The following COL25A1 variants were observed in gnomAD, a reference collection of about 807,000 sequenced individuals.
The protein encoded by COL25A1 is collagen type XXV alpha 1 chain.
COL25A1 carries 103 observed loss-of-function variants against 128.4 expected under a neutral mutation model. The observed-to-expected ratio is 0.80, with a 90% CI of 0.68 to 0.94. COL25A1 has a LOEUF of 0.94. Among genes scored for constraint, COL25A1 ranks in the 40% least tolerant of loss-of-function variants. COL25A1 has a pLI of 0.00. For synonymous variants in COL25A1, 279 were observed against 277.2 expected (o/e 1.01, Z -0.06); for missense variants, 745 against 840.0 (o/e 0.89, Z 1.40).
chr4:109,180,153 G>T (rs1774493142), intron 3 of COL25A1, among the ~76,000 whole-genome samples: 1 of 152,244 alleles, frequency 6.6e-6, no homozygotes, highest in African/African-American at 2.4e-5. Context: ...AAGAAATTTA[G>T]GAAGATTAAA....
At chr4:109,072,271 C>T (rs1305608006) in intron 3 of COL25A1, among the ~76,000 whole-genome samples, 5 of 152,134 alleles carry the variant, frequency 3.3e-5, no homozygotes, top group Non-Finnish European at 7.4e-5. Flanking sequence ...CATTAATTTT[C>T]AAATTTCTGT....
At chr4:109,013,149 A>G (rs1386151404) in intron 5 of COL25A1, among the ~76,000 whole-genome samples, 1 of 152,208 alleles carries the variant, frequency 6.6e-6, no homozygotes, top group East Asian at 1.9e-4. Flanking sequence ...TAAACGCACC[A>G]ATCAGTGCTC....
At chr4:108,983,760 C>T (rs974088891) in intron 6 of COL25A1, among the ~76,000 whole-genome samples, 4 of 151,392 alleles carry the variant, frequency 2.6e-5, no homozygotes, top group Non-Finnish European at 5.9e-5. Context: ...TCTGGAGTTG[C>T]TCGTTCCTCC....
At chr4:108,891,333 A>C (rs1741471100) in intron 16 of COL25A1, among the ~76,000 whole-genome samples, 1 of 152,180 alleles carries the variant, frequency 6.6e-6, no homozygotes, top group Admixed American at 6.5e-5. Flanking sequence ...ATGTAACTAA[A>C]CATAAAAAAC....
intron 3 of COL25A1, among the ~76,000 whole-genome samples, chr4:109,136,952 G>A (rs1431953572): frequency 1.3e-5 from 2 of 152,212 alleles, no homozygotes; most frequent in Non-Finnish European, 2.9e-5. Context: ...GAGCCGACAT[G>A]AGTAAGCTTC....
chr4:108,975,554 C>G (rs1752355433), intron 6 of COL25A1, among the ~76,000 whole-genome samples: 1 of 152,178 alleles, frequency 6.6e-6, no homozygotes, highest in Non-Finnish European at 1.5e-5. Flanking sequence ...AGGTTACAGA[C>G]TATACATATG....
intron 5 of COL25A1, among the ~76,000 whole-genome samples, chr4:109,015,881 G>A (rs987285800): frequency 1.3e-5 from 2 of 152,200 alleles, no homozygotes; most frequent in East Asian, 3.8e-4. Context: ...TTGGACTGTT[G>A]TTGATGGCAG....
chr4:109,022,198 C>T (rs923003178), intron 5 of COL25A1: 4 of 453,316 alleles, frequency 8.8e-6, no homozygotes, highest in African/African-American at 8.0e-5. Context: ...CCTGGCGGCC[C>T]AGCTGTAAAA....
At chr4:109,203,437 A>G (rs1462972769) in intron 3 of COL25A1, among the ~76,000 whole-genome samples, 1 of 152,000 alleles carries the variant, frequency 6.6e-6, no homozygotes, top group Non-Finnish European at 1.5e-5. Flanking sequence ...AGTCCACCAA[A>G]TCCAGAGCCT....
chr4:108,939,561 A>C (rs963319810), intron 10 of COL25A1, among the ~76,000 whole-genome samples: 2 of 152,198 alleles, frequency 1.3e-5, no homozygotes, highest in African/African-American at 4.8e-5. Context: ...AGTATTGTAA[A>C]TATTGTAAAC....
At chr4:109,064,651 G>A (rs1293650571) in intron 3 of COL25A1, among the ~76,000 whole-genome samples, 2 of 152,132 alleles carry the variant, frequency 1.3e-5, no homozygotes. Flanking sequence ...GAGAGCCAGA[G>A]ACCTCCCATG....
chr4:109,025,322 A>G (rs189454335), intron 5 of COL25A1, among the ~76,000 whole-genome samples: 226 of 152,236 alleles, frequency 1.5e-3, no homozygotes, highest in East Asian at 3.3e-3. Flanking sequence ...CTGCCCTACC[A>G]ATTTTTATTA....
At chr4:108,951,224 T>C (rs943434557) in intron 8 of COL25A1, among the ~76,000 whole-genome samples, 2 of 152,118 alleles carry the variant, frequency 1.3e-5, no homozygotes, top group Admixed American at 1.3e-4. Context: ...CATGAAGGTT[T>C]TTATACAACG....
At chr4:109,166,782 G>T (rs1354591096) in intron 3 of COL25A1, among the ~76,000 whole-genome samples, 2 of 152,162 alleles carry the variant, frequency 1.3e-5, no homozygotes, top group Non-Finnish European at 2.9e-5. Context: ...CATTCATTGA[G>T]TATGAATCTA....
chr4:109,187,553 G>A (rs1001973611), intron 3 of COL25A1, among the ~76,000 whole-genome samples: 1 of 152,100 alleles, frequency 6.6e-6, no homozygotes, highest in African/African-American at 2.4e-5. Flanking sequence ...ACAGTAGCTG[G>A]TACATTATAA....
chr4:109,204,074 T>A (rs1225678309), intron 3 of COL25A1, among the ~76,000 whole-genome samples: 1 of 152,154 alleles, frequency 6.6e-6, no homozygotes, highest in African/African-American at 2.4e-5. Flanking sequence ...AAGCTTATTA[T>A]TAGAAATAGG....
intron 3 of COL25A1, among the ~76,000 whole-genome samples, chr4:109,094,033 A>C (rs181543720): frequency 6.6e-4 from 100 of 152,342 alleles, no homozygotes; most frequent in Non-Finnish European, 1.1e-3. Context: ...ACAGTATCTA[A>C]AAAACAATAG....
intron 3 of COL25A1, among the ~76,000 whole-genome samples, chr4:109,121,580 A>G (rs759615566): frequency 6.6e-6 from 1 of 152,144 alleles, no homozygotes; most frequent in Non-Finnish European, 1.5e-5. Flanking sequence ...AGATATTACT[A>G]TACACCTATT....
intron 13 of COL25A1, 37 bp downstream of exon 13, chr4:108,918,135 A>G (rs778577765): frequency 3.6e-6 from 5 of 1,395,676 alleles, no homozygotes; most frequent in South Asian, 1.4e-5. Context: ...AATGCTCACC[A>G]AATTATTTTT....
Sources: gnomAD v4.1 joint callset for allele counts (sites outside exome capture counted in the v4.1 genomes callset) on GRCh38, gnomAD v4.1.1 for gene constraint, MANE v1.5 for transcripts, NCBI Gene and HGNC (gene_info 2026-07-23, HGNC 2026-07-21) for gene names.